NMRK1: variants seen among roughly 807,000 people sequenced by gnomAD.
NMRK1 encodes the protein NRK 1.
NMRK1 carries 28 observed loss-of-function variants against 29.9 expected under a neutral mutation model. The observed-to-expected ratio is 0.94, with a 90% CI of 0.69 to 1.28. The LOEUF (loss-of-function observed/expected upper bound fraction) is 1.28, where lower values mean the gene tolerates loss of function less well. Among genes scored for constraint, NMRK1 ranks in the 50% most tolerant of loss-of-function variants. The pLI, the probability that NMRK1 is intolerant of heterozygous loss-of-function variation, is 0.00. For missense variants in NMRK1, 218 were observed against 233.1 expected (o/e 0.94, Z 0.42); for synonymous variants, 58 against 73.0 (o/e 0.79, Z 1.05).
intron 7 of NMRK1, 28 bp from the exon 8 acceptor site, chr9:75,066,868 A>G (rs751910617): frequency 1.8e-5 from 22 of 1,247,108 alleles, no homozygotes; most frequent in Non-Finnish European, 2.4e-5. Context: ...GAGCAGTTCA[A>G]ATGCTAACAG....
At chr9:75,077,033 T>C (rs1824029744) in intron 4 of NMRK1, 126 bp downstream of exon 4, 2 of 637,828 alleles carry the variant, frequency 3.1e-6, no homozygotes, top group Non-Finnish European at 5.6e-6. Context: ...CCTTCACAGA[T>C]ATAGTGAAGT....
At chr9:75,073,237 G>A (rs369758088) in intron 4 of NMRK1, among the ~76,000 whole-genome samples, 7 of 152,246 alleles carry the variant, frequency 4.6e-5, no homozygotes, top group African/African-American at 1.2e-4. Context: ...CAAGGCTGCC[G>A]GAGATTTCAG....
rs182213420 is a variant in NMRK1 at position 75,087,920 on chromosome 9, C to T, written c.-36+88G>A. ...AGGCTTTCAGGGCGCAACCAAGTCC[C>T]GGGCTCCAGCACAGAAACCCTCTGG... On this transcript the variant is annotated intron_variant, in intron 1 of 8. Coordinates refer to ENST00000361092, the MANE Select transcript of NMRK1 (RefSeq NM_017881.3). The T allele has an allele frequency of 3.0e-3, 459 of 153,724 alleles. 5 individuals are homozygous for T. Among genetic ancestry groups the T allele is most frequent in the Middle Eastern group, 0.017 (5 of 300 alleles). The allele number at this position is 153,724 out of a possible 1,614,324, so 9.5% of individuals were successfully genotyped here.
At chr9:75,078,201 T>C (rs1472135076) in intron 2 of NMRK1, 16 of 1,430,106 alleles carry the variant, frequency 1.1e-5, no homozygotes, top group South Asian at 2.9e-5. Flanking sequence ...ATGGTTCATA[T>C]GCAACACAGA....
intron 8 of NMRK1, among the ~76,000 whole-genome samples, chr9:75,063,629 T>C (rs1461352030): frequency 2.0e-5 from 3 of 152,178 alleles, no homozygotes; most frequent in Non-Finnish European, 4.4e-5. Context: ...TCATTATTAT[T>C]ACCTTATCAT....
intron 2 of NMRK1, among the ~76,000 whole-genome samples, chr9:75,079,492 G>C (rs1448860803): frequency 6.6e-6 from 1 of 152,210 alleles, no homozygotes; most frequent in African/African-American, 2.4e-5. Context: ...CAAACCAACA[G>C]TAGTAATTAG....
At chr9:75,069,707 G>T (rs1250834645) in intron 6 of NMRK1, 35 bp downstream of exon 6, 1 of 1,562,770 alleles carries the variant, frequency 6.4e-7, no homozygotes, top group Admixed American at 1.7e-5. Context: ...TTTTTGTTTT[G>T]AATTACAACT....
chr9:75,068,624 T>C (rs1416530834), intron 7 of NMRK1, among the ~76,000 whole-genome samples: 1 of 152,224 alleles, frequency 6.6e-6, no homozygotes, highest in Non-Finnish European at 1.5e-5. Context: ...GGCAGTCCCC[T>C]AGAACTTGGT....
intron 2 of NMRK1, chr9:75,078,208 C>T (rs1274020074): frequency 6.9e-7 from 1 of 1,449,986 alleles, no homozygotes; most frequent in Non-Finnish European, 9.2e-7. Flanking sequence ...ATATGCAACA[C>T]AGAGAATATG....
intron 4 of NMRK1, among the ~76,000 whole-genome samples, chr9:75,074,099 C>A (rs1187714705): frequency 6.6e-6 from 1 of 151,646 alleles, no homozygotes; most frequent in African/African-American, 2.4e-5. Flanking sequence ...GCTCTGTTGC[C>A]CAGACTGGAG....
At chr9:75,083,282 T>C in intron 1 of NMRK1, 132 bp from the exon 2 acceptor site, 1 of 626,802 alleles carries the variant, frequency 1.6e-6, no homozygotes, top group Non-Finnish European at 2.9e-6. Context: ...AGCCCCGCAT[T>C]ATCCACATTC....
intron 4 of NMRK1, among the ~76,000 whole-genome samples, chr9:75,073,286 C>A (rs764269758): frequency 1.3e-5 from 2 of 152,220 alleles, no homozygotes; most frequent in Non-Finnish European, 1.5e-5. Flanking sequence ...CGAAAAGAGT[C>A]TCCCTCACAG....
At chr9:75,064,781 CA>C (rs779045938) in intron 8 of NMRK1, among the ~76,000 whole-genome samples, 1 of 151,548 alleles carries the variant, frequency 6.6e-6, no homozygotes, top group African/African-American at 2.4e-5. Context: ...TGCTTCTCAC[CA>C]AAAAAAACAT....
In NMRK1 at chr9:75,070,031, G is replaced by A. The variant is rs765507534; in HGVS notation, c.181C>T (p.Leu61Phe). The change falls in exon 5 of 9, where the codon CTT becomes TTT. Residue 61 changes from leucine (L) to phenylalanine (F), a missense_variant. Leu to Phe is a conservative substitution (Grantham distance 22, BLOSUM62 0). Transcript: ENST00000361092. ...GFLQYDVLEA[L>F]NMEKMMSAIS... is the part of the protein sequence containing the mutation. ...GCTGACATCATTTTTTCCATGTTAAGTGCTTCAAGCACTTCAAACAAACAC... is the reference window on the plus strand; with the variant it reads ...GCTGACATCATTTTTTCCATGTTAAATGCTTCAAGCACTTCAAACAAACAC... The A allele has an allele frequency of 6.2e-7, 1 of 1,611,896 alleles. No homozygotes were observed. The highest frequency in any genetic ancestry group is 8.5e-7 in the Non-Finnish European group (1 of 1,179,440).
intron 2 of NMRK1, among the ~76,000 whole-genome samples, chr9:75,079,725 A>C (rs1364744487): frequency 6.6e-6 from 1 of 152,098 alleles, no homozygotes; most frequent in African/African-American, 2.4e-5. Flanking sequence ...AGGAATAGGA[A>C]CCTTCCTTGG....
At chr9:75,062,494 T>A (rs1419586097) in intron 8 of NMRK1, among the ~76,000 whole-genome samples, 1 of 151,110 alleles carries the variant, frequency 6.6e-6, no homozygotes, top group Non-Finnish European at 1.5e-5. Context: ...CAGCCTTGAT[T>A]TTTTTTTTAA....
chr9:75,083,158 TA>T lies in NMRK1; in HGVS notation c.-35-9del. ...ACAGCTTCCTAATATTTCCTAAAAGTAAAAAAACAAACAAACAAATCAAATG... is the reference window on the plus strand; with the variant it reads ...ACAGCTTCCTAATATTTCCTAAAAGTAAAAAACAAACAAACAAATCAAATG... On this transcript the variant is annotated splice_polypyrimidine_tract_variant and intron_variant, in intron 1 of 8. Coordinates refer to ENST00000361092, the MANE Select transcript of NMRK1 (RefSeq NM_017881.3). 2 of 1,381,008 alleles carry T rather than the reference TA, an allele frequency of 1.4e-6. No individual in the cohort carries two copies. The highest frequency in any genetic ancestry group is 1.7e-5 in the Admixed American group (1 of 59,174). 85.5% of individuals were successfully genotyped at this position (1,381,008 alleles called of 1,614,324 possible).
chr9:75,077,506 T>A lies in NMRK1; in HGVS notation c.104A>T (p.Gln35Leu). The change falls in exon 3 of 9, where the codon CAG (glutamine) becomes CTG (leucine). Residue 35 changes from glutamine (Q) to leucine (L), a missense_variant. Transcript: ENST00000361092. ...KHLPNCSVIS[Q>L]DDFFKPESEI... ...TATAGATACCTTGAAGAAATCATCC[T>A]GAGATATGACACTGCAATTTGGGAG... 6.2e-7 allele frequency: 1 copy of A among 1,607,520 alleles called. No individual in the cohort carries two copies. Among genetic ancestry groups the A allele is most frequent in the Non-Finnish European group, 8.5e-7 (1 of 1,174,094 alleles).
chr9:75,063,149 A>G (rs776870434), intron 8 of NMRK1, among the ~76,000 whole-genome samples: 1 of 151,972 alleles, frequency 6.6e-6, no homozygotes, highest in African/African-American at 2.4e-5. Flanking sequence ...CTAAAAAAAT[A>G]TAAAAAATTA....
Sources: allele counts gnomAD v4.1 joint callset (sites outside exome capture counted in the v4.1 genomes callset), GRCh38; gene constraint gnomAD v4.1.1; transcripts MANE v1.5; gene names NCBI Gene and HGNC (gene_info 2026-07-23, HGNC 2026-07-21).